Variants in SPIRE1 observed in about 807,000 individuals in gnomAD.
The protein encoded by SPIRE1 is protein spire homolog 1.
A neutral mutation model predicts 94.1 loss-of-function variants in SPIRE1; 40 were observed. The ratio of observed to expected loss-of-function variants is 0.43; its 90% CI spans 0.33 to 0.55. The LOEUF (loss-of-function observed/expected upper bound fraction) is 0.55, where lower values mean the gene tolerates loss of function less well. SPIRE1 is among the 20% of genes least tolerant of loss of function. SPIRE1 has a pLI of 0.06. For synonymous variants in SPIRE1, 376 were observed against 371.7 expected (o/e 1.01, Z -0.13); for missense variants, 838 against 975.2 (o/e 0.86, Z 1.87).
intron 2 of SPIRE1, among the ~76,000 whole-genome samples, chr18:12,617,695 C>A (rs1002423786): frequency 5.3e-5 from 8 of 152,114 alleles, no homozygotes; most frequent in African/African-American, 1.9e-4. Flanking sequence ...CAGGCGTGAG[C>A]CACCATACCC....
chr18:12,532,526 T>A (rs1386635865), intron 4 of SPIRE1, among the ~76,000 whole-genome samples: 1 of 152,208 alleles, frequency 6.6e-6, no homozygotes, highest in East Asian at 1.9e-4. Flanking sequence ...ATACTCAATT[T>A]TTAATTTCGT....
At chr18:12,623,430 G>T (rs1163356698) in intron 2 of SPIRE1, among the ~76,000 whole-genome samples, 1 of 152,070 alleles carries the variant, frequency 6.6e-6, no homozygotes, top group Non-Finnish European at 1.5e-5. Context: ...TGGGATTACA[G>T]GTGTAAGCCA....
At chr18:12,593,803 T>A (rs540842342) in intron 2 of SPIRE1, among the ~76,000 whole-genome samples, 1 of 152,118 alleles carries the variant, frequency 6.6e-6, no homozygotes, top group South Asian at 2.1e-4. Flanking sequence ...TACAAAAAAA[T>A]TAGCCGGGTG....
intron 4 of SPIRE1, among the ~76,000 whole-genome samples, chr18:12,519,122 T>C (rs561467116): frequency 8.9e-4 from 136 of 152,250 alleles, no homozygotes; most frequent in African/African-American, 3.0e-3. Context: ...ATAGCAATTA[T>C]GAAAAAAGTC....
intron 9 of SPIRE1, 129 bp from the exon 10 acceptor site, chr18:12,480,000 T>C (rs1199062971): frequency 8.1e-6 from 6 of 737,546 alleles, no homozygotes; most frequent in Non-Finnish European, 1.2e-5. Context: ...TGCCTATGTA[T>C]AGAAAACTTC....
intron 13 of SPIRE1, 139 bp downstream of exon 13, chr18:12,454,207 T>G: frequency 1.0e-6 from 1 of 968,834 alleles, no homozygotes. Context: ...ATGTACTGTC[T>G]ACTAGGATAT....
rs56263373 is a variant in SPIRE1 at position 12,526,056 on chromosome 18, TACACACACACACACAC to T, written c.729+9404_729+9419del. 5.7e-5 allele frequency among the ~76,000 whole-genome samples: 7 copies of T among 122,584 alleles called. 1 individual carries two copies. Among genetic ancestry groups the T allele is most frequent in the Non-Finnish European group, 1.2e-4 (7 of 59,652 alleles). 80.4% of individuals were successfully genotyped at this position (122,584 alleles called of 152,430 possible). On this transcript the variant is annotated intron_variant, in intron 4 of 16. Coordinates refer to ENST00000409402, the MANE Select transcript of SPIRE1 (RefSeq NM_001128626.2). The stretch of plus-strand genomic sequence containing the variant: ...CAGTCTAGGGTCAGAATACTGAAGA[TACACACACACACACAC>T]ACACACACACACACACACACAGAGA...
intron 2 of SPIRE1, among the ~76,000 whole-genome samples, chr18:12,602,588 A>C (rs1412412708): frequency 6.6e-6 from 1 of 152,194 alleles, no homozygotes; most frequent in Non-Finnish European, 1.5e-5. Flanking sequence ...GTGGCGCAGA[A>C]ACAGAACAGA....
intron 2 of SPIRE1, among the ~76,000 whole-genome samples, chr18:12,601,730 G>A (rs997457967): frequency 1.3e-5 from 2 of 152,092 alleles, no homozygotes; most frequent in African/African-American, 2.4e-5. Flanking sequence ...ATCCCACAAC[G>A]TGGCCTTTGT....
chr18:12,552,925 A>AC (rs1279243043), intron 2 of SPIRE1, among the ~76,000 whole-genome samples: 1 of 151,766 alleles, frequency 6.6e-6, no homozygotes, highest in Non-Finnish European at 1.5e-5. Context: ...CAGTCATGAG[A>AC]CCCCCATTCC....
At chr18:12,495,510 C>T (rs2033425254) in intron 7 of SPIRE1, among the ~76,000 whole-genome samples, 1 of 152,140 alleles carries the variant, frequency 6.6e-6, no homozygotes, top group African/African-American at 2.4e-5. Context: ...CCAGATTTTG[C>T]ACCATGACCC....
At chr18:12,549,681 C>A (rs1254350770) in intron 2 of SPIRE1, among the ~76,000 whole-genome samples, 1 of 151,676 alleles carries the variant, frequency 6.6e-6, no homozygotes, top group East Asian at 1.9e-4. Flanking sequence ...GATCTCCTGA[C>A]CTCGTGATCC....
At chr18:12,505,839 A>C (rs1331284728) in intron 6 of SPIRE1, among the ~76,000 whole-genome samples, 3 of 152,218 alleles carry the variant, frequency 2.0e-5, no homozygotes, top group Non-Finnish European at 4.4e-5. Flanking sequence ...ATATATAATG[A>C]CATGGAAAAA....
chr18:12,626,867 A>AATATATATATAT (rs1555634098), intron 2 of SPIRE1, among the ~76,000 whole-genome samples: 101 of 110,442 alleles, frequency 9.1e-4, no homozygotes, highest in African/African-American at 2.9e-3. Flanking sequence ...TAAGCTGTAA[A>AATATATATATAT]ATATATATAT....
chr18:12,658,121 G>T, upstream of SPIRE1: 4 of 965,784 alleles, frequency 4.1e-6, no homozygotes, highest in Non-Finnish European at 4.9e-6. Flanking sequence ...GCCCCGCCCC[G>T]CCCCGCCCCG....
chr18:12,461,098 G>A (rs1393765138), intron 12 of SPIRE1, among the ~76,000 whole-genome samples: 8 of 151,934 alleles, frequency 5.3e-5, no homozygotes, highest in Non-Finnish European at 8.8e-5. Flanking sequence ...AACAGTGCAC[G>A]GCCTGACCTC....
At chr18:12,535,116 G>A (rs558393466) in intron 4 of SPIRE1, among the ~76,000 whole-genome samples, 87 of 152,066 alleles carry the variant, frequency 5.7e-4, no homozygotes, top group Non-Finnish European at 1.1e-3. Context: ...ATCCCTTCCC[G>A]GAAGAGGTCC....
chr18:12,494,973 C>G (rs906943906), intron 7 of SPIRE1, among the ~76,000 whole-genome samples: 1 of 149,418 alleles, frequency 6.7e-6, no homozygotes, highest in Non-Finnish European at 1.5e-5. Context: ...TGGCGTGAAC[C>G]CAGGAGGCGG....
At chr18:12,570,688 T>C (rs1229070184) in intron 2 of SPIRE1, among the ~76,000 whole-genome samples, 2 of 152,220 alleles carry the variant, frequency 1.3e-5, no homozygotes, top group African/African-American at 2.4e-5. Flanking sequence ...TCCTCACTTA[T>C]GGAATTCCAT....
Sources: gnomAD v4.1 joint callset for allele counts (sites outside exome capture counted in the v4.1 genomes callset) on GRCh38, gnomAD v4.1.1 for gene constraint, MANE v1.5 for transcripts, NCBI Gene and HGNC (gene_info 2026-07-23, HGNC 2026-07-21) for gene names.